CENPW: variants seen among roughly 807,000 people sequenced by gnomAD.
The protein encoded by CENPW is centromere protein W, also known as cancer-up-regulated gene 2 protein.
A neutral mutation model predicts 11.1 loss-of-function variants in CENPW; 3 were observed. The ratio of observed to expected loss-of-function variants is 0.27; its 90% CI spans 0.12 to 0.70. CENPW has a LOEUF of 0.70. Among genes scored for constraint, CENPW ranks in the 30% least tolerant of loss-of-function variants. CENPW has a pLI of 0.77. For synonymous variants in CENPW, 38 were observed against 42.0 expected (o/e 0.91, Z 0.37); for missense variants, 100 against 105.6 (o/e 0.95, Z 0.23).
the CENPW span, among the ~76,000 whole-genome samples, chr6:126,397,053 A>G: frequency 3.3e-5 from 5 of 151,982 alleles, no homozygotes; most frequent in East Asian, 7.8e-4. Context: ...TTCCTTAGTT[A>G]CCTTATCTGG....
chr6:126,403,130 T>TA, the CENPW span, among the ~76,000 whole-genome samples: 1 of 152,136 alleles, frequency 6.6e-6, no homozygotes, highest in Non-Finnish European at 1.5e-5. Flanking sequence ...ACGTTTTGAC[T>TA]GCTACATCAA....
the CENPW span, among the ~76,000 whole-genome samples, chr6:126,356,133 C>T: frequency 6.6e-6 from 1 of 152,124 alleles, no homozygotes; most frequent in African/African-American, 2.4e-5. Context: ...GTTTCTAACA[C>T]CTCTTCTAAC....
the CENPW span, among the ~76,000 whole-genome samples, chr6:126,414,396 C>T: frequency 4.0e-5 from 6 of 150,950 alleles, no homozygotes; most frequent in South Asian, 4.2e-4. Flanking sequence ...GAATAAATCA[C>T]GTTAGATCAT....
chr6:126,458,112 G>T, the CENPW span, among the ~76,000 whole-genome samples: 1 of 150,930 alleles, frequency 6.6e-6, no homozygotes, highest in Non-Finnish European at 1.5e-5. Flanking sequence ...CATTTCCTTG[G>T]GTATACTTTT....
the CENPW span, among the ~76,000 whole-genome samples, chr6:126,469,031 T>C: frequency 1.3e-5 from 2 of 152,140 alleles, no homozygotes; most frequent in Non-Finnish European, 1.5e-5. Flanking sequence ...TGACCTCAAG[T>C]GATCCACCCA....
At chr6:126,371,922 C>T in the CENPW span, among the ~76,000 whole-genome samples, 44 of 151,962 alleles carry the variant, frequency 2.9e-4, no homozygotes, top group African/African-American at 9.6e-4. Context: ...CCTGTGGTAT[C>T]GGTTGTAATA....
chr6:126,446,983 G>A, the CENPW span, among the ~76,000 whole-genome samples: 1 of 151,184 alleles, frequency 6.6e-6, no homozygotes, highest in East Asian at 1.9e-4. Flanking sequence ...CCTCTAAGAA[G>A]CTATTTTGAA....
At chr6:126,411,359 T>A in the CENPW span, among the ~76,000 whole-genome samples, 2 of 152,226 alleles carry the variant, frequency 1.3e-5, no homozygotes, top group Admixed American at 6.5e-5. Context: ...TTTCTATTCC[T>A]GTTTTCCCCA....
At chr6:126,433,249 G>T in the CENPW span, among the ~76,000 whole-genome samples, 1 of 152,230 alleles carries the variant, frequency 6.6e-6, no homozygotes, top group East Asian at 1.9e-4. Flanking sequence ...TCTAGAAAAG[G>T]TATTTCTATG....
At chr6:126,409,303 T>A in the CENPW span, among the ~76,000 whole-genome samples, 1 of 152,310 alleles carries the variant, frequency 6.6e-6, no homozygotes, top group South Asian at 2.1e-4. Flanking sequence ...ATAATTTCAA[T>A]TTTAAAAAGG....
the CENPW span, among the ~76,000 whole-genome samples, chr6:126,424,079 G>A: frequency 4.0e-5 from 6 of 151,856 alleles, no homozygotes; most frequent in Non-Finnish European, 7.4e-5. Flanking sequence ...GGATCTTTTT[G>A]CTTTTTACAC....
At chr6:126,459,256 C>A in the CENPW span, among the ~76,000 whole-genome samples, 1 of 151,074 alleles carries the variant, frequency 6.6e-6, no homozygotes, top group African/African-American at 2.4e-5. Context: ...ATATTTTAGA[C>A]AATTTGCTAG....
chr6:126,347,163 A>G (rs1344239704), intron 2 of CENPW, among the ~76,000 whole-genome samples: 2 of 152,152 alleles, frequency 1.3e-5, no homozygotes, highest in Non-Finnish European at 2.9e-5. Flanking sequence ...TTGATTAGTC[A>G]CAGTATTATT....
the CENPW span, among the ~76,000 whole-genome samples, chr6:126,398,696 GT>G: frequency 6.6e-6 from 1 of 151,996 alleles, no homozygotes; most frequent in Non-Finnish European, 1.5e-5. Flanking sequence ...GGGGATACAT[GT>G]GGAGATTTGT....
chr6:126,393,215 G>A, the CENPW span, among the ~76,000 whole-genome samples: 6 of 151,056 alleles, frequency 4.0e-5, no homozygotes, highest in East Asian at 1.9e-4. Flanking sequence ...TGTCAATTTC[G>A]TTTATGTTTT....
chr6:126,424,659 ATGT>A, the CENPW span, among the ~76,000 whole-genome samples: 1 of 152,096 alleles, frequency 6.6e-6, no homozygotes, highest in Non-Finnish European at 1.5e-5. Context: ...TGCTGTGCTC[ATGT>A]ATTGCATTTT....
At chr6:126,467,630 T>C in the CENPW span, among the ~76,000 whole-genome samples, 1 of 151,902 alleles carries the variant, frequency 6.6e-6, no homozygotes, top group African/African-American at 2.4e-5. Flanking sequence ...ATATAAATGA[T>C]TGAATAAATA....
the CENPW span, among the ~76,000 whole-genome samples, chr6:126,391,903 G>A: frequency 6.6e-6 from 1 of 151,886 alleles, no homozygotes; most frequent in Non-Finnish European, 1.5e-5. Context: ...ATCAGGTAAT[G>A]TGATTCCTCC....
chr6:126,340,524 TC>T, intron 1 of CENPW, 125 bp downstream of exon 1: 1 of 1,389,472 alleles, frequency 7.2e-7, no homozygotes, highest in Non-Finnish European at 1.0e-6. Context: ...TTAAGGCAGT[TC>T]CAACAATGAC....
Sources: gnomAD v4.1 joint callset for allele counts (sites outside exome capture counted in the v4.1 genomes callset) on GRCh38, gnomAD v4.1.1 for gene constraint, MANE v1.5 for transcripts, NCBI Gene and HGNC (gene_info 2026-07-23, HGNC 2026-07-21) for gene names.